Variants in FBF1 observed in about 807,000 individuals in gnomAD.
The protein encoded by FBF1 is Fas binding factor 1.
A neutral mutation model predicts 147.2 loss-of-function variants in FBF1; 119 were observed. The ratio of observed to expected loss-of-function variants is 0.81; its 90% CI spans 0.70 to 0.94. The LOEUF is 0.94. Among genes scored for constraint, FBF1 ranks in the 40% least tolerant of loss-of-function variants. The probability of loss-of-function intolerance (pLI) is 0.00; values close to 1 mark genes in which losing one functional copy is unlikely to be tolerated. For synonymous variants in FBF1, 601 were observed against 609.0 expected, an observed-to-expected ratio of 0.99 and a Z score of 0.19; for missense variants, 1,449 against 1,500.8, an observed-to-expected ratio of 0.97 and a Z score of 0.57.
intron 29 of FBF1, among the ~76,000 whole-genome samples, chr17:75,911,350 T>C (rs898014542): frequency 6.6e-6 from 1 of 152,050 alleles, no homozygotes; most frequent in African/African-American, 2.4e-5. Context: ...ATCATTATAG[T>C]TTTGTTTTGT....
At chr17:75,921,831 G>A (rs2065529472) in intron 15 of FBF1, 114 bp downstream of exon 15, 2 of 979,976 alleles carry the variant, frequency 2.0e-6, no homozygotes, top group Non-Finnish European at 3.0e-6. Flanking sequence ...CTCTGTGTGG[G>A]ACACGGGGAC....
Position 75,926,136 on chromosome 17 carries a change from C to T in FBF1, c.762G>A (p.Thr254=), listed in dbSNP as rs114226764. Residue 254 remains threonine, a synonymous_variant, in exon 12 of 30, where the codon ACG becomes ACA. Coordinates refer to ENST00000636174, the MANE Select transcript of FBF1 (RefSeq NM_001319193.2). ...DQEGPRPARS[T]LDELLGRGMA... ...TGCCTCGACCCAGCAGCTCATCCAG[C>T]GTGGAGCGAGCAGGGCGAGGCCCTT... 94 of 1,610,024 alleles carry T rather than the reference C, an allele frequency of 5.8e-5. No individual in the cohort carries two copies. The African/African-American group carries it at 6.7e-4, about 11-fold the overall frequency.
At chr17:75,924,292 T>A (rs1418275985) in intron 13 of FBF1, among the ~76,000 whole-genome samples, 3 of 152,200 alleles carry the variant, frequency 2.0e-5, no homozygotes, top group Non-Finnish European at 4.4e-5. Flanking sequence ...GCCGTGGCCT[T>A]CATCTGTCAC....
At position 75,926,864 on chromosome 17, in the gene FBF1, T is replaced by G. The variant is rs374423582; in HGVS notation, c.489A>C (p.Pro163=). Residue 163 remains proline (P), a synonymous_variant, in exon 10 of 30, where the codon CCA becomes CCC. Transcript: ENST00000636174. ...RRFSSEDLED[P]LRGLLSYDEG... ...CATCATAGGAGAGAAGTCCTCTCAA[T>G]GGGTCTTCCAAGTCTCACAGCAGAA... The G allele has an allele frequency of 1.9e-6, 3 of 1,612,116 alleles. No homozygotes were observed. In the African/African-American group the frequency reaches 4.0e-5, roughly 22 times the overall value.
At chr17:75,935,610 A>C (rs1052236744) in intron 4 of FBF1, 22 bp downstream of exon 4, 28 of 1,534,720 alleles carry the variant, frequency 1.8e-5, no homozygotes, top group East Asian at 1.7e-4. Context: ...AAATTAGGGG[A>C]TTCTGGGCAA....
In FBF1 at chr17:75,933,071, G is replaced by A. The variant is rs765017191; in HGVS notation, c.91C>T (p.Pro31Ser). 5.0e-6 allele frequency: 8 copies of A among 1,604,942 alleles called. No individual in the cohort carries two copies. The highest frequency in any genetic ancestry group is 6.0e-6 in the Non-Finnish European group (7 of 1,172,604). Residue 31 changes from proline (P) to serine (S), a missense_variant, in exon 5 of 30, where the codon CCT becomes TCT. Transcript: ENST00000636174. Reference sequence around the variant, plus strand: ...CTGGTATGTGAAGCTAGTTTAACAGGCTTCTCAGGTAGTGTCACTGGAAAA... The same window carrying A: ...CTGGTATGTGAAGCTAGTTTAACAGACTTCTCAGGTAGTGTCACTGGAAAA... ...LGDDMTLPEKPVKLASHTRDT... is the reference protein window; with the variant it reads ...LGDDMTLPEKSVKLASHTRDT...
At position 75,925,338 on chromosome 17, in the gene FBF1, C is replaced by G; in HGVS notation, c.968+9G>C. ...TCAAGAGGCCAAGCCTCCTGCAGGC[C>G]CCACTTACCTGACAGACTGCCGGCG... is the stretch of plus-strand genomic sequence containing the variant. On this transcript the variant is annotated intron_variant, in intron 13 of 29. Coordinates refer to ENST00000636174, the MANE Select transcript of FBF1 (RefSeq NM_001319193.2). This position sits in a 1 kb window ranked among gnomAD's most constrained non-coding sequence, Gnocchi z 5.0. The G allele has an allele frequency of 1.2e-6, 2 of 1,610,116 alleles. No homozygotes were observed. Among genetic ancestry groups the G allele is most frequent in the Non-Finnish European group, 1.7e-6 (2 of 1,178,048 alleles).
rs771892839 is a variant in FBF1 at position 75,921,580 on chromosome 17, G to A, written c.1527-20C>T. The A allele has an allele frequency of 1.3e-6, 2 of 1,593,052 alleles. No individual in the cohort carries two copies. Among genetic ancestry groups the A allele is most frequent in the Admixed American group, 1.7e-5 (1 of 58,514 alleles). On this transcript the variant is annotated intron_variant, in intron 15 of 29. Transcript: ENST00000636174. ...GGGGACCTGAGGACACAGGGATGGG[G>A]CATGGTGAGCAGCCTCTGTGTGGGA...
In FBF1 at chr17:75,921,933, G is replaced by A. The variant is rs370911756; in HGVS notation, c.1526+12C>T. The A allele has an allele frequency of 3.5e-5, 54 of 1,548,394 alleles. No individual in the cohort carries two copies. The highest frequency in any genetic ancestry group is 4.5e-5 in the Non-Finnish European group (52 of 1,145,622). On this transcript the variant is annotated intron_variant, in intron 15 of 29. Transcript: ENST00000636174. ...TGCTCTCATTCCCACTCAGCCCGCAGCCCAGGCCTACCCCGAGACACCAGG... is the reference window on the plus strand; with the variant it reads ...TGCTCTCATTCCCACTCAGCCCGCAACCCAGGCCTACCCCGAGACACCAGG...
At chr17:75,914,974 C>T (rs2065479688) in intron 24 of FBF1, 42 bp from the exon 25 acceptor site, 6 of 1,612,014 alleles carry the variant, frequency 3.7e-6, no homozygotes, top group Non-Finnish European at 4.2e-6. Flanking sequence ...TGTCCCTGGG[C>T]ATAATGGCAG....
rs1478805267 is a variant in FBF1 at position 75,928,550 on chromosome 17, T to G, written c.280-357A>C. ...GATATTGGCCGGGCGCGGTGGCTCA[T>G]GCCTAGAATCCCAGCACTTTGGGCC... On this transcript the variant is annotated intron_variant, in intron 7 of 29. Transcript: ENST00000636174. The surrounding 1 kb of genome is among the most constrained non-coding windows in gnomAD (Gnocchi z 4.2). Among the ~76,000 whole-genome samples, 1 of 152,070 alleles carries G rather than the reference T, an allele frequency of 6.6e-6. No individual in the cohort carries two copies. The highest frequency in any genetic ancestry group is 1.5e-5 in the Non-Finnish European group (1 of 68,008).
chr17:75,935,221 G>GT (rs2065617101), intron 4 of FBF1, among the ~76,000 whole-genome samples: 1 of 150,842 alleles, frequency 6.6e-6, no homozygotes, highest in Non-Finnish European at 1.5e-5. Flanking sequence ...CTGGAGCGCA[G>GT]TGGTGCAACG....
At position 75,915,092 on chromosome 17, in the gene FBF1, C is replaced by T. The variant is rs577831985; in HGVS notation, c.2553G>A (p.Gln851=). ...CCTTCCTTTGCTCCTCTAGGGCGCGCTGCATGGACTCCGCCTTGGACTGCT... is the reference window on the plus strand; with the variant it reads ...CCTTCCTTTGCTCCTCTAGGGCGCGTTGCATGGACTCCGCCTTGGACTGCT... The part of the protein sequence containing the change: ...TAEQSKAESM[Q]RALEEQRKVT... Residue 851 remains glutamine (Q), a synonymous_variant, in exon 24 of 30, where the codon CAG becomes CAA. Transcript: ENST00000636174. 5 of 1,612,838 alleles carry T rather than the reference C, an allele frequency of 3.1e-6. No individual in the cohort carries two copies. In the East Asian group the frequency reaches 1.1e-4, roughly 36 times the overall value.
intron 23 of FBF1, 85 bp from the exon 24 acceptor site, chr17:75,915,224 A>G (rs1052992233): frequency 6.7e-7 from 1 of 1,497,210 alleles, no homozygotes; most frequent in African/African-American, 1.4e-5. Context: ...GCATGAACCC[A>G]CCAGTGTCTC....
Position 75,910,754 on chromosome 17 carries a change from CCTTT to C in FBF1, c.3412_3415del (p.Lys1138GlyfsTer5). ...TGAATGAGATGTCAAATTGTAGGACCCTTTCTTCAGGGTCTCCAGGAAGAACTGT... is the reference window on the plus strand; with the variant it reads ...TGAATGAGATGTCAAATTGTAGGACCCTTCAGGGTCTCCAGGAAGAACTGT... On this transcript the variant is annotated frameshift_variant, in exon 30 of 30. Coordinates refer to ENST00000636174, the MANE Select transcript of FBF1 (RefSeq NM_001319193.2). LOFTEE classifies it high-confidence loss of function. This position sits in a 1 kb window ranked among gnomAD's most constrained non-coding sequence, Gnocchi z 4.1. The C allele has an allele frequency of 6.2e-7, 1 of 1,611,400 alleles. No homozygotes were observed. Among genetic ancestry groups the C allele is most frequent in the African/African-American group, 1.3e-5 (1 of 74,990 alleles).
Position 75,915,132 on chromosome 17 carries a change from C to A in FBF1, c.2513G>T (p.Trp838Leu). Residue 838 changes from tryptophan (W) to leucine (L), a missense_variant, in exon 24 of 30, where the codon TGG becomes TTG. By Grantham distance (61) the Trp-to-Leu change is moderately conservative. Coordinates refer to ENST00000636174, the MANE Select transcript of FBF1 (RefSeq NM_001319193.2). ...CTTGGACTGCTCGGCAGTCACCCGC[C>A]AGCGTTCCTGTAGGGCCCAGGGCAG... ...EQSRLLEQER[W>L]RVTAEQSKAE... 6.2e-7 allele frequency: 1 copy of A among 1,609,700 alleles called. No individual in the cohort carries two copies.
At position 75,925,939 on chromosome 17, in the gene FBF1, T is replaced by TG. The variant is rs1491205330; in HGVS notation, c.868+90dup. On this transcript the variant is annotated intron_variant, in intron 12 of 29. Coordinates refer to ENST00000636174, the MANE Select transcript of FBF1 (RefSeq NM_001319193.2). The surrounding 1 kb of genome is among the most constrained non-coding windows in gnomAD (Gnocchi z 5.0). Reference sequence around the variant, plus strand: ...GTATAATCACATGTGTGTATCAGGATGTGAGGCTGATTTCTCATTATAGGT... The same window carrying TG: ...GTATAATCACATGTGTGTATCAGGATGGTGAGGCTGATTTCTCATTATAGGT... 3 of 1,458,240 alleles carry TG rather than the reference T, an allele frequency of 2.1e-6. No individual in the cohort carries two copies. In the African/African-American group the frequency reaches 4.3e-5, roughly 21 times the overall value. The allele number at this position is 1,458,240 out of a possible 1,614,324, so 90.3% of individuals were successfully genotyped here. A position where few individuals can be genotyped will look rare whatever the true frequency, so the allele number is the denominator to read the frequency against.
chr17:75,921,093 G>T (rs528903498), intron 17 of FBF1, 151 bp downstream of exon 17: 6 of 763,900 alleles, frequency 7.9e-6, no homozygotes, highest in South Asian at 5.1e-5. Context: ...AAGTTCTAGT[G>T]GGGGGTGCCC....
Position 75,922,225 on chromosome 17 carries a change from C to T in FBF1, c.1425-179G>A, listed in dbSNP as rs2065532509. ...GAGCTCCTGGGATTTCTGGGCATCTCTTCCCTTCCAGTACCCCCTTCCTGC... is the reference window on the plus strand; with the variant it reads ...GAGCTCCTGGGATTTCTGGGCATCTTTTCCCTTCCAGTACCCCCTTCCTGC... On this transcript the variant is annotated intron_variant, in intron 14 of 29. Coordinates refer to ENST00000636174, the MANE Select transcript of FBF1 (RefSeq NM_001319193.2). This position sits in a 1 kb window ranked among gnomAD's most constrained non-coding sequence, Gnocchi z 5.0. 5 of 573,460 alleles carry T rather than the reference C, an allele frequency of 8.7e-6. No homozygotes were observed. The highest frequency in any genetic ancestry group is 1.6e-5 in the Non-Finnish European group (5 of 320,600). The allele number at this position is 573,460 out of a possible 1,614,324, so 35.5% of individuals were successfully genotyped here.
Sources: gnomAD v4.1 joint callset for allele counts (sites outside exome capture counted in the v4.1 genomes callset) on GRCh38, gnomAD v4.1.1 for gene constraint, Gnocchi (gnomAD v3.1) non-coding constraint, MANE v1.5 for transcripts, NCBI Gene and HGNC (gene_info 2026-07-23, HGNC 2026-07-21) for gene names.